FER: variants seen among roughly 807,000 people sequenced by gnomAD.
FER encodes tyrosine-protein kinase Fer.
A neutral mutation model predicts 111.0 loss-of-function variants in FER; 63 were observed. The ratio of observed to expected loss-of-function variants is 0.57; its 90% confidence interval spans 0.46 to 0.70. The LOEUF (loss-of-function observed/expected upper bound fraction) is 0.70, where lower values mean the gene tolerates loss of function less well. FER is among the 30% of genes least tolerant of loss of function. FER has a pLI of 0.00. For synonymous variants in FER, 327 were observed against 313.9 expected, an observed-to-expected ratio of 1.04 and a Z score of -0.44; for missense variants, 914 against 954.0, an observed-to-expected ratio of 0.96 and a Z score of 0.55.
chr5:108,982,323 T>G (rs771445964), intron 13 of FER, among the ~76,000 whole-genome samples: 3 of 152,094 alleles, frequency 2.0e-5, no homozygotes, highest in Non-Finnish European at 4.4e-5. Flanking sequence ...GAGAATATAG[T>G]AGGAGTTTGT....
chr5:108,904,306 G>C lies in FER; in HGVS notation c.1236+6458G>C, dbSNP rs573282315. Among the ~76,000 whole-genome samples, 6 of 152,276 alleles carry C rather than the reference G, an allele frequency of 3.9e-5. No individual in the cohort carries two copies. In the South Asian group the frequency reaches 6.2e-4, roughly 16 times the overall value. On this transcript the variant is annotated intron_variant, in intron 10 of 19. Transcript: ENST00000281092. ...GATTGGGGGCAATAAGGCAATGAGT[G>C]CTGGGAGTTATTTTTATACATAGTG...
At chr5:108,819,550 A>T (rs1208727413) in intron 3 of FER, among the ~76,000 whole-genome samples, 1 of 152,196 alleles carries the variant, frequency 6.6e-6, no homozygotes, top group East Asian at 1.9e-4. Flanking sequence ...TAGTGTTGAT[A>T]AAAGGAGTAA....
intron 17 of FER, among the ~76,000 whole-genome samples, chr5:109,166,465 C>T (rs1756569321): frequency 6.6e-6 from 1 of 152,162 alleles, no homozygotes; most frequent in Admixed American, 6.6e-5. Context: ...CCATCTCTAA[C>T]CCCAAGTCTG....
chr5:109,172,187 A>G (rs1757178255), intron 17 of FER, among the ~76,000 whole-genome samples: 1 of 152,036 alleles, frequency 6.6e-6, no homozygotes, highest in Non-Finnish European at 1.5e-5. Context: ...ATGCACACGT[A>G]TGCTTATTGC....
At chr5:108,813,349 C>A (rs1470472751) in intron 3 of FER, among the ~76,000 whole-genome samples, 2 of 151,964 alleles carry the variant, frequency 1.3e-5, no homozygotes, top group African/African-American at 4.8e-5. Flanking sequence ...TCATTATGTG[C>A]CTTTATGTAG....
intron 15 of FER, among the ~76,000 whole-genome samples, chr5:109,045,582 G>C (rs1015814405): frequency 1.3e-5 from 2 of 152,096 alleles, no homozygotes; most frequent in African/African-American, 4.8e-5. Context: ...CAAGTAGAAG[G>C]GGCTCACTGC....
At chr5:109,151,012 T>C (rs1754777697) in intron 17 of FER, among the ~76,000 whole-genome samples, 1 of 152,164 alleles carries the variant, frequency 6.6e-6, no homozygotes, top group Non-Finnish European at 1.5e-5. Context: ...ACCAAGTATT[T>C]TGAAGAATTT....
intron 17 of FER, among the ~76,000 whole-genome samples, chr5:109,125,889 T>C (rs77054362): frequency 0.041 from 6,226 of 152,330 alleles, 155 homozygotes; most frequent in Middle Eastern, 0.11. Flanking sequence ...CACCTGACTG[T>C]TTCGGGACTC....
At chr5:108,995,171 G>A (rs992229578) in intron 13 of FER, among the ~76,000 whole-genome samples, 14 of 152,112 alleles carry the variant, frequency 9.2e-5, no homozygotes, top group Non-Finnish European at 5.9e-5. Context: ...GTGAGAGAGG[G>A]CATCCTTGTC....
intron 16 of FER, among the ~76,000 whole-genome samples, chr5:109,094,086 T>G (rs375081179): frequency 7.2e-5 from 11 of 152,122 alleles, no homozygotes; most frequent in African/African-American, 2.6e-4. Flanking sequence ...AGAGGACTTA[T>G]GGTCTCAATG....
chr5:109,034,346 C>G (rs1057194702), intron 13 of FER, among the ~76,000 whole-genome samples: 1 of 152,116 alleles, frequency 6.6e-6, no homozygotes, highest in Admixed American at 6.6e-5. Flanking sequence ...TTGGTTCAAT[C>G]CATGATGGAC....
intron 13 of FER, among the ~76,000 whole-genome samples, chr5:109,021,740 A>G (rs977107063): frequency 2.0e-5 from 3 of 152,130 alleles, no homozygotes; most frequent in Non-Finnish European, 4.4e-5. Context: ...TGAAAAGCAA[A>G]AAAACAAGCT....
intron 16 of FER, among the ~76,000 whole-genome samples, chr5:109,068,739 G>C (rs767326814): frequency 6.6e-6 from 1 of 152,020 alleles, no homozygotes; most frequent in East Asian, 1.9e-4. Context: ...ATGCTCAAAG[G>C]GTTAAATGAA....
At chr5:108,798,531 A>C in intron 3 of FER, 142 bp downstream of exon 3, 380 of 748,022 alleles carry the variant, frequency 5.1e-4, no homozygotes, top group Non-Finnish European at 6.2e-4. Context: ...TGAAAATCTC[A>C]TGGAGAAGTT....
chr5:109,176,421 TA>T (rs1035159370), intron 17 of FER, among the ~76,000 whole-genome samples: 5 of 151,860 alleles, frequency 3.3e-5, no homozygotes, highest in African/African-American at 4.8e-5. Context: ...ATATGGGAGC[TA>T]AAAAAATCGA....
At chr5:109,065,285 A>AG in intron 16 of FER, among the ~76,000 whole-genome samples, 1 of 152,320 alleles carries the variant, frequency 6.6e-6, no homozygotes, top group South Asian at 2.1e-4. Flanking sequence ...TTTTAAAAAA[A>AG]CATTTATTGA....
At chr5:109,170,782 A>G (rs1016754922) in intron 17 of FER, among the ~76,000 whole-genome samples, 1 of 152,158 alleles carries the variant, frequency 6.6e-6, no homozygotes, top group South Asian at 2.1e-4. Flanking sequence ...TCTGAGTGTG[A>G]CTTGCATTCA....
intron 13 of FER, among the ~76,000 whole-genome samples, chr5:109,026,429 GT>G (rs200471223): frequency 0.077 from 11,333 of 147,988 alleles, 481 homozygotes; most frequent in South Asian, 0.13. Context: ...TTTTCAATAA[GT>G]TTTTTTTTTT....
chr5:108,991,216 C>T (rs753647100), intron 13 of FER, among the ~76,000 whole-genome samples: 7 of 151,602 alleles, frequency 4.6e-5, no homozygotes, highest in East Asian at 3.9e-4. Context: ...TGTGTATATA[C>T]GCACATGTAT....
Sources: allele counts gnomAD v4.1 joint callset (sites outside exome capture counted in the v4.1 genomes callset), GRCh38; gene constraint gnomAD v4.1.1; transcripts MANE v1.5; gene names NCBI Gene and HGNC (gene_info 2026-07-23, HGNC 2026-07-21).